SLC9A8: variants seen among roughly 807,000 people sequenced by gnomAD.
SLC9A8 encodes the protein solute carrier family 9 member A8, also known as sodium/hydrogen exchanger 8.
In SLC9A8, 48 loss-of-function variants were observed where a neutral mutation model predicts 66.6. That is an observed-to-expected ratio of 0.72 (90% CI 0.57 to 0.92). The LOEUF is 0.92. SLC9A8 is among the 40% of genes least tolerant of loss of function. The pLI is 0.00. For synonymous variants in SLC9A8, 274 were observed against 282.6 expected (o/e 0.97, Z 0.31); for missense variants, 599 against 747.3 (o/e 0.80, Z 2.31).
chr20:49,883,355 G>A (rs548585721), intron 13 of SLC9A8, among the ~76,000 whole-genome samples: 1 of 152,250 alleles, frequency 6.6e-6, no homozygotes, highest in East Asian at 1.9e-4. Flanking sequence ...TGCTGTTGTG[G>A]GTATTAGTTG....
At chr20:49,874,204 A>G (rs2089329712) in intron 10 of SLC9A8, among the ~76,000 whole-genome samples, 1 of 51,172 alleles carries the variant, frequency 2.0e-5, no homozygotes, top group Non-Finnish European at 4.1e-5. Flanking sequence ...CAGTGAGCCA[A>G]GATCGCACGC....
At chr20:49,874,272 A>T (rs1360375564) in intron 10 of SLC9A8, among the ~76,000 whole-genome samples, 1 of 151,798 alleles carries the variant, frequency 6.6e-6, no homozygotes, top group Non-Finnish European at 1.5e-5. Context: ...CCCAAAAAAA[A>T]GGGTGGGGGG....
At position 49,888,249 on chromosome 20, in the gene SLC9A8, C is replaced by G. The variant is rs1305149506; in HGVS notation, c.*313C>G. The stretch of plus-strand genomic sequence containing the variant: ...TCATCTGTGAAGCTAGGGCGCCTAC[C>G]CCCCCACCCGGAGGACCCCTGCGGC... On this transcript the variant is annotated 3_prime_UTR_variant, in exon 16 of 16. Transcript: ENST00000361573. The G allele has an allele frequency of 1.3e-5, 4 of 314,334 alleles. No homozygotes were observed. Among genetic ancestry groups the G allele is most frequent in the Non-Finnish European group, 2.4e-5 (4 of 163,422 alleles). 19.5% of individuals were successfully genotyped at this position (314,334 alleles called of 1,614,324 possible).
intron 5 of SLC9A8, among the ~76,000 whole-genome samples, chr20:49,847,973 G>A (rs1600715267): frequency 7.8e-6 from 1 of 127,930 alleles, no homozygotes; most frequent in East Asian, 2.4e-4. Context: ...GCAATGGCAC[G>A]AACTCGGCTC....
At chr20:49,818,710 T>A (rs1315481847) in intron 2 of SLC9A8, among the ~76,000 whole-genome samples, 1 of 151,974 alleles carries the variant, frequency 6.6e-6, no homozygotes, top group Admixed American at 6.6e-5. Context: ...AGGCTAGTCT[T>A]GAACTCTTGA....
Position 49,887,895 on chromosome 20 carries a change from G to A in SLC9A8, c.1705G>A (p.Gly569Ser), listed in dbSNP as rs371568441. ...TNKWYEEVRQ[G>S]PSGSEDDEQE... ...CAAGTGGTACGAGGAGGTACGCCAG[G>A]GCCCCTCCGGCTCCGAGGACGACGA... Residue 569 changes from glycine (G) to serine (S), a missense_variant, in exon 16 of 16, where the codon GGC (glycine) becomes AGC (serine). Around this residue, in one of 2 missense-constraint regions of SLC9A8, gnomAD observed 467 missense variants for 626.5 expected, o/e 0.75. Transcript: ENST00000361573. 47 of 1,613,820 alleles carry A rather than the reference G, an allele frequency of 2.9e-5. No individual in the cohort carries two copies. Among genetic ancestry groups the A allele is most frequent in the Non-Finnish European group, 3.9e-5 (46 of 1,179,882 alleles).
chr20:49,814,529 T>G (rs1258257193), intron 1 of SLC9A8, among the ~76,000 whole-genome samples: 1 of 152,104 alleles, frequency 6.6e-6, no homozygotes, highest in Non-Finnish European at 1.5e-5. Flanking sequence ...ATTTGAGCCG[T>G]TTGAAATCTG....
chr20:49,872,232 C>A (rs537060147), intron 10 of SLC9A8, among the ~76,000 whole-genome samples: 1 of 152,300 alleles, frequency 6.6e-6, no homozygotes, highest in South Asian at 2.1e-4. Context: ...GTGTGTCTTA[C>A]AGGAAGCATG....
At chr20:49,834,159 C>T (rs2087332427) in intron 3 of SLC9A8, among the ~76,000 whole-genome samples, 1 of 52,538 alleles carries the variant, frequency 1.9e-5, no homozygotes, top group African/African-American at 7.9e-5. Context: ...CTCTCTCTCT[C>T]TCTCTCTCTC....
rs2089485585 is a variant in SLC9A8 at position 49,877,979 on chromosome 20, A to G, written c.1076-2A>G. 2 of 1,588,270 alleles carry G rather than the reference A, an allele frequency of 1.3e-6. No individual in the cohort carries two copies. The highest frequency in any genetic ancestry group is 1.4e-5 in the African/African-American group (1 of 73,470). ...AATAATCCATTCTTTGGTTTGTTTC[A>G]GAAACATGTGTGTTTGCATTTCTTG... On this transcript the variant is annotated splice_acceptor_variant, in intron 11 of 15. Transcript: ENST00000361573. LOFTEE classifies it high-confidence loss of function.
intron 3 of SLC9A8, 51 bp downstream of exon 3, chr20:49,823,192 T>G (rs2086804235): frequency 7.3e-7 from 1 of 1,376,452 alleles, no homozygotes; most frequent in African/African-American, 1.4e-5. Context: ...ATAACTACCA[T>G]TTTTTGAGTG....
intron 3 of SLC9A8, chr20:49,829,896 G>A (rs2087100614): frequency 1.7e-5 from 10 of 573,640 alleles, no homozygotes; most frequent in South Asian, 2.8e-5. Flanking sequence ...TCAGAGACAG[G>A]CTCCAAATCC....
At chr20:49,863,103 A>C in intron 9 of SLC9A8, 36 bp downstream of exon 9, 4 of 1,554,764 alleles carry the variant, frequency 2.6e-6, no homozygotes, top group Non-Finnish European at 3.5e-6. Context: ...CAGGGTTAAA[A>C]TTATTCCTGA....
chr20:49,817,191 C>G (rs2086581066), intron 2 of SLC9A8, among the ~76,000 whole-genome samples: 1 of 151,836 alleles, frequency 6.6e-6, no homozygotes, highest in African/African-American at 2.4e-5. Flanking sequence ...GTGGCGGGCA[C>G]CTGTAATCTC....
In SLC9A8 at chr20:49,878,075, C is replaced by CT; in HGVS notation, c.1158+12_1158+13insT. The stretch of plus-strand genomic sequence containing the variant: ...TCATCTGGTGCATAGTAAGTATTTT[C>CT]CTTTTTTTTTTTAAATTTAATTACT... On this transcript the variant is annotated intron_variant, in intron 12 of 15. Coordinates refer to ENST00000361573, the MANE Select transcript of SLC9A8 (RefSeq NM_015266.3). 6.6e-7 allele frequency: 1 copy of CT among 1,516,998 alleles called. No homozygotes were observed. The highest frequency in any genetic ancestry group is 2.3e-5 in the East Asian group (1 of 43,246). 94.0% of individuals were successfully genotyped at this position (1,516,998 alleles called of 1,614,324 possible). A position where few individuals can be genotyped will look rare whatever the true frequency, so the allele number is the denominator to read the frequency against.
intron 3 of SLC9A8, among the ~76,000 whole-genome samples, chr20:49,832,305 G>A (rs538729586): frequency 1.6e-4 from 24 of 152,246 alleles, no homozygotes; most frequent in Non-Finnish European, 2.5e-4. Flanking sequence ...ATGGTCTTCG[G>A]TGCTTCCAGG....
chr20:49,863,222 C>CT (rs2088821104), intron 9 of SLC9A8, among the ~76,000 whole-genome samples, 155 bp downstream of exon 9: 1 of 152,262 alleles, frequency 6.6e-6, no homozygotes, highest in East Asian at 1.9e-4. Flanking sequence ...GAGAAACACT[C>CT]TAACTCAAGG....
chr20:49,855,578 C>A lies in SLC9A8; in HGVS notation c.710C>A (p.Thr237Asn). 1 of 1,613,966 alleles carries A rather than the reference C, an allele frequency of 6.2e-7. No individual in the cohort carries two copies. The highest frequency in any genetic ancestry group is 8.5e-7 in the Non-Finnish European group (1 of 1,179,914). The change falls in exon 8 of 16, where the codon ACC becomes AAC. Residue 237 changes from threonine (T) to asparagine (N), a missense_variant. Thr to Asn is a moderately conservative substitution (Grantham distance 65). Coordinates refer to ENST00000361573, the MANE Select transcript of SLC9A8 (RefSeq NM_015266.3). Reference protein sequence around the residue: ...ILNDAVSIVLTNTAEGLTRKN... With the variant: ...ILNDAVSIVLNNTAEGLTRKN... The stretch of plus-strand genomic sequence containing the variant: ...AACGATGCAGTCTCCATTGTTCTGA[C>A]CAAGTAAGTACGGGGGCAGAGAACA...
intron 10 of SLC9A8, among the ~76,000 whole-genome samples, chr20:49,866,843 C>T (rs999241806): frequency 2.6e-5 from 4 of 152,112 alleles, no homozygotes; most frequent in African/African-American, 7.2e-5. Flanking sequence ...TTCCTGTTGC[C>T]GTATCTTCAA....
Sources: allele counts gnomAD v4.1 joint callset (sites outside exome capture counted in the v4.1 genomes callset), GRCh38; gene constraint gnomAD v4.1.1; regional missense constraint gnomAD v4.1.1; transcripts MANE v1.5; gene names NCBI Gene and HGNC (gene_info 2026-07-23, HGNC 2026-07-21).